Variants in GPHN observed in about 807,000 individuals in gnomAD.
The protein encoded by GPHN is gephyrin.
GPHN carries 17 observed loss-of-function variants against 95.5 expected under a neutral mutation model. The ratio of observed to expected loss-of-function variants is 0.18; its 90% CI spans 0.12 to 0.27. GPHN has a LOEUF of 0.27. Among genes scored for constraint, GPHN ranks in the 10% least tolerant of loss-of-function variants. GPHN has a pLI of 1.00. For missense variants in GPHN, 660 were observed against 978.1 expected (o/e 0.67, Z 4.34); for synonymous variants, 320 against 322.5 (o/e 0.99, Z 0.08).
chr14:66,902,048 C>G (rs1379891126), intron 5 of GPHN, among the ~76,000 whole-genome samples: 2 of 151,822 alleles, frequency 1.3e-5, no homozygotes, highest in African/African-American at 4.8e-5. Context: ...CAGTTTCTTT[C>G]ATCAATGTTT....
At chr14:66,539,713 G>A (rs1178043280) in intron 1 of GPHN, among the ~76,000 whole-genome samples, 3 of 152,058 alleles carry the variant, frequency 2.0e-5, no homozygotes, top group Admixed American at 6.6e-5. Flanking sequence ...GAGCCACCAC[G>A]CCCAGCCTGC....
At chr14:66,619,856 A>C (rs1264273754) in intron 1 of GPHN, among the ~76,000 whole-genome samples, 1 of 152,218 alleles carries the variant, frequency 6.6e-6, no homozygotes, top group African/African-American at 2.4e-5. Flanking sequence ...TATGCTAAAC[A>C]TACTTATAGT....
intron 1 of GPHN, among the ~76,000 whole-genome samples, chr14:66,611,277 A>G (rs2153277424): frequency 6.6e-6 from 1 of 152,256 alleles, no homozygotes; most frequent in Middle Eastern, 3.4e-3. Context: ...GGTTAATTCC[A>G]TTGAATACAT....
the GPHN span, chr14:67,312,632 A>G: frequency 3.7e-6 from 6 of 1,613,716 alleles, no homozygotes; most frequent in South Asian, 6.6e-5. Context: ...TCATGTGATC[A>G]GTCAAGAAGA....
At chr14:67,038,390 ATTG>A (rs1043161496) in intron 10 of GPHN, among the ~76,000 whole-genome samples, 3 of 152,164 alleles carry the variant, frequency 2.0e-5, no homozygotes, top group African/African-American at 7.2e-5. Context: ...ATATGCATAT[ATTG>A]TTAATTCTGT....
chr14:67,558,467 A>G, the GPHN span, among the ~76,000 whole-genome samples: 35 of 152,184 alleles, frequency 2.3e-4, no homozygotes, highest in Admixed American at 2.3e-3. Context: ...GACACATGGA[A>G]TCTCTGATCA....
At chr14:66,650,622 G>T (rs1052558462) in intron 1 of GPHN, among the ~76,000 whole-genome samples, 1 of 152,180 alleles carries the variant, frequency 6.6e-6, no homozygotes, top group African/African-American at 2.4e-5. Flanking sequence ...CCAGGTTGAT[G>T]GGTCTACCAG....
chr14:67,473,928 C>T, the GPHN span: 1 of 1,595,154 alleles, frequency 6.3e-7, no homozygotes, highest in Non-Finnish European at 8.5e-7. This position sits in a 1 kb window ranked among gnomAD's most constrained non-coding sequence, Gnocchi z 6.5. Context: ...CGCCATGGCG[C>T]CGACTGGGGC....
chr14:66,576,348 T>G (rs2060899065), intron 1 of GPHN, among the ~76,000 whole-genome samples: 1 of 151,820 alleles, frequency 6.6e-6, no homozygotes, highest in Non-Finnish European at 1.5e-5. Flanking sequence ...AAAATAAACC[T>G]GGATTTTTTT....
intron 17 of GPHN, among the ~76,000 whole-genome samples, chr14:67,131,044 C>G (rs1447640890): frequency 1.3e-5 from 2 of 152,014 alleles, no homozygotes; most frequent in African/African-American, 2.4e-5. Flanking sequence ...TCCTTTAGTC[C>G]TCCTAGACAG....
intron 17 of GPHN, among the ~76,000 whole-genome samples, chr14:67,129,507 T>G (rs2079550305): frequency 1.3e-5 from 2 of 152,208 alleles, no homozygotes. Context: ...CTATATTGAC[T>G]TTGAATTTTA....
chr14:67,396,461 T>C, the GPHN span, among the ~76,000 whole-genome samples: 1 of 151,838 alleles, frequency 6.6e-6, no homozygotes, highest in Non-Finnish European at 1.5e-5. Context: ...AAGAGAGTTT[T>C]CATCAGACCA....
chr14:66,724,586 A>G (rs929997171), intron 2 of GPHN, among the ~76,000 whole-genome samples: 1 of 152,192 alleles, frequency 6.6e-6, no homozygotes, highest in Non-Finnish European at 1.5e-5. Flanking sequence ...GGGCTTGGAG[A>G]GAGGAATATC....
At chr14:67,127,341 G>GGTTTTTGTTTTT (rs138886251) in intron 17 of GPHN, among the ~76,000 whole-genome samples, 8 of 150,786 alleles carry the variant, frequency 5.3e-5, no homozygotes, top group African/African-American at 9.8e-5. Flanking sequence ...GGTTTGTTTG[G>GGTTTTTGTTTTT]GTTTTTGTTT....
chr14:67,559,526 C>A, the GPHN span: 205 of 924,370 alleles, frequency 2.2e-4, 2 homozygotes, highest in Non-Finnish European at 2.9e-4. Context: ...GCACACTTGG[C>A]CTTTCTTGGG....
the GPHN span, among the ~76,000 whole-genome samples, chr14:67,481,476 A>G: frequency 2.6e-5 from 4 of 152,192 alleles, no homozygotes; most frequent in African/African-American, 9.7e-5. Context: ...TGCAAGACCA[A>G]CAGGGGAAAT....
chr14:67,089,127 T>A, intron 12 of GPHN, 52 bp downstream of exon 12: 2 of 471,238 alleles, frequency 4.2e-6, no homozygotes, highest in Non-Finnish European at 3.0e-6. Context: ...TTTTTTTTCT[T>A]TTTTTCTTTT....
chr14:67,625,747 A>AAG, the GPHN span, among the ~76,000 whole-genome samples: 2 of 150,590 alleles, frequency 1.3e-5, no homozygotes, highest in South Asian at 4.5e-4. Context: ...AAAAAAAAAA[A>AAG]AGAGAAAAGG....
intron 10 of GPHN, among the ~76,000 whole-genome samples, chr14:67,041,286 T>C (rs1228232752): frequency 1.3e-5 from 2 of 152,080 alleles, no homozygotes; most frequent in Non-Finnish European, 1.5e-5. Flanking sequence ...TTTACATAGG[T>C]ATACACGTGC....
Sources: allele counts gnomAD v4.1 joint callset (sites outside exome capture counted in the v4.1 genomes callset), GRCh38; gene constraint gnomAD v4.1.1; non-coding constraint Gnocchi (gnomAD v3.1); transcripts MANE v1.5; gene names NCBI Gene and HGNC (gene_info 2026-07-23, HGNC 2026-07-21).